Variants in PDE6B observed in about 807,000 individuals in gnomAD.
PDE6B encodes rod cGMP-specific 3',5'-cyclic phosphodiesterase subunit beta.
In PDE6B, 106 loss-of-function variants were observed where a neutral mutation model predicts 109.0. The observed-to-expected ratio is 0.97, with a 90% CI of 0.83 to 1.14. The LOEUF is 1.14. Among genes scored for constraint, PDE6B ranks in the 50% most tolerant of loss-of-function variants. The pLI, the probability that PDE6B is intolerant of heterozygous loss-of-function variation, is 0.00. For synonymous variants in PDE6B, 490 were observed against 471.3 expected (o/e 1.04, Z -0.51); for missense variants, 1,193 against 1,155.6 (o/e 1.03, Z -0.47).
chr4:632,629 T>A (rs1208559978), intron 1 of PDE6B, among the ~76,000 whole-genome samples: 2 of 148,908 alleles, frequency 1.3e-5, no homozygotes, highest in Non-Finnish European at 3.0e-5. Flanking sequence ...GCACCATCTC[T>A]GGATCACCTG....
intron 6 of PDE6B, 86 bp from the exon 7 acceptor site, chr4:655,854 T>C (rs1283912355): frequency 1.2e-6 from 1 of 837,348 alleles, no homozygotes; most frequent in East Asian, 2.4e-5. Context: ...CTCTCACCCC[T>C]GCACACAGAC....
Position 656,529 on chromosome 4 carries a change from C to T in PDE6B, c.1107+237C>T, listed in dbSNP as rs190416637. 1.4e-3 allele frequency among the ~76,000 whole-genome samples: 210 copies of T among 150,754 alleles called. 1 individual carries two copies. Among genetic ancestry groups the T allele is most frequent in the African/African-American group, 4.5e-3 (186 of 40,944 alleles). ...TGACCGCGGCCCCCACACACCCCTG[C>T]GAGGCCGTGACCGCGGCCCCCACAC... On this transcript the variant is annotated intron_variant, in intron 8 of 21. Coordinates refer to ENST00000496514, the MANE Select transcript of PDE6B (RefSeq NM_000283.4).
chr4:630,068 G>A (rs1274779030), intron 1 of PDE6B, among the ~76,000 whole-genome samples: 1 of 152,158 alleles, frequency 6.6e-6, no homozygotes. Context: ...CCCCGGCCAG[G>A]CATCACTACA....
At chr4:641,302 T>G (rs185367778) in intron 3 of PDE6B, among the ~76,000 whole-genome samples, 14 of 152,360 alleles carry the variant, frequency 9.2e-5, no homozygotes, top group Non-Finnish European at 1.0e-4. Context: ...TAAGAGATAT[T>G]GGGTTCTTAA....
rs1736347354 is a variant in PDE6B at position 657,005 on chromosome 4, G to A, written c.1239G>A (p.Gln413=). Residue 413 remains glutamine (Q), a synonymous_variant, in exon 9 of 22, where the codon CAG becomes CAA. Transcript: ENST00000496514. ...AAGACGGGAAGCCCTTTGACGAACA[G>A]GACGAGGTTCTCATGGAGGTAAGCA... ...NRKDGKPFDE[Q]DEVLMESLTQ... 6.2e-6 allele frequency: 10 copies of A among 1,613,274 alleles called. No individual in the cohort carries two copies. The East Asian group carries it at 2.2e-4, about 36-fold the overall frequency.
chr4:640,456 T>C (rs1203139114), intron 3 of PDE6B, among the ~76,000 whole-genome samples: 4 of 152,006 alleles, frequency 2.6e-5, no homozygotes. Context: ...AGAGAATCAC[T>C]TGAACCTGGG....
At position 636,900 on chromosome 4, in the gene PDE6B, C is replaced by G. The variant is rs1734711945; in HGVS notation, c.711+931C>G. ...CCAGTGGACACCTGTGAGAAAACCC[C>G]CCGGAGGGAAGTCTCAGCCCCAATC... On this transcript the variant is annotated intron_variant, in intron 3 of 21. Transcript: ENST00000496514. The surrounding 1 kb of genome is among the most constrained non-coding windows in gnomAD (Gnocchi z 4.5). 6.6e-6 allele frequency among the ~76,000 whole-genome samples: 1 copy of G among 152,236 alleles called. No individual in the cohort carries two copies. The highest frequency in any genetic ancestry group is 1.5e-5 in the Non-Finnish European group (1 of 68,050).
chr4:665,016 C>G lies in PDE6B; in HGVS notation c.2193+72C>G. The G allele has an allele frequency of 8.1e-7, 1 of 1,234,370 alleles. No individual in the cohort carries two copies. The highest frequency in any genetic ancestry group is 1.2e-6 in the Non-Finnish European group (1 of 836,392). The allele number at this position is 1,234,370 out of a possible 1,614,324, so 76.5% of individuals were successfully genotyped here. A position where few individuals can be genotyped will look rare whatever the true frequency, so the allele number is the denominator to read the frequency against. ...CATGGGACTGCCGGGCGGGCGGGAG[C>G]CTCGGATGGCAACGGACCATTGTTT... is the stretch of plus-strand genomic sequence containing the variant. On this transcript the variant is annotated intron_variant, in intron 18 of 21. Transcript: ENST00000496514. This position sits in a 1 kb window ranked among gnomAD's most constrained non-coding sequence, Gnocchi z 4.0.
chr4:632,826 T>C (rs2109128998), intron 1 of PDE6B, among the ~76,000 whole-genome samples: 1 of 152,268 alleles, frequency 6.6e-6, no homozygotes, highest in Admixed American at 6.5e-5. Context: ...TGGATCTGTG[T>C]GGTGCCGTCT....
Position 664,152 on chromosome 4 carries a change from A to G in PDE6B, c.2060A>G (p.Lys687Arg). Residue 687 changes from lysine (K) to arginine (R), a missense_variant, in exon 17 of 22, where the codon AAG becomes AGG. Physicochemically the swap from Lys to Arg is conservative, Grantham distance 26. Coordinates refer to ENST00000496514, the MANE Select transcript of PDE6B (RefSeq NM_000283.4). ...TTTCAGAAGATCGTGGATGAGTCCA[A>G]GAACTACCAGGACAAGAAGAGCTGG... ...AMFQKIVDES[K>R]NYQDKKSWVE... 1.9e-6 allele frequency: 3 copies of G among 1,612,202 alleles called. No individual in the cohort carries two copies. Among genetic ancestry groups the G allele is most frequent in the Non-Finnish European group, 2.5e-6 (3 of 1,178,464 alleles).
At chr4:650,975 T>C (rs769084878) in intron 3 of PDE6B, among the ~76,000 whole-genome samples, 38 of 152,148 alleles carry the variant, frequency 2.5e-4, no homozygotes, top group Non-Finnish European at 5.0e-4. Context: ...GCTGCTGGGC[T>C]GGGACCACCT....
chr4:655,751 C>T (rs535921693), intron 6 of PDE6B, 189 bp from the exon 7 acceptor site: 51 of 659,150 alleles, frequency 7.7e-5, no homozygotes, highest in Middle Eastern at 7.8e-4. Flanking sequence ...CTACATCCAG[C>T]GCAGCCTGGC....
intron 11 of PDE6B, among the ~76,000 whole-genome samples, chr4:659,829 T>C (rs373713845): frequency 1.3e-5 from 2 of 152,140 alleles, no homozygotes; most frequent in African/African-American, 4.8e-5. Context: ...CTAGAGACGA[T>C]TGCTGGATCA....
Position 662,159 on chromosome 4 carries a change from T to G in PDE6B, c.1640T>G (p.Ile547Ser), listed in dbSNP as rs1219607825. 6.4e-7 allele frequency: 1 copy of G among 1,573,180 alleles called. No individual in the cohort carries two copies. Among genetic ancestry groups the G allele is most frequent in the South Asian group, 1.2e-5 (1 of 86,152 alleles). Residue 547 changes from isoleucine to serine, a missense_variant, in exon 13 of 22, where the codon ATC becomes AGC. By Grantham distance (142) the Ile-to-Ser change is moderately radical. Transcript: ENST00000496514. The surrounding 1 kb of genome is among the most constrained non-coding windows in gnomAD (Gnocchi z 4.3). Reference sequence around the variant, plus strand: ...GTCCTGGTGCGGTTCCTGTTCTCCATCAGCAAAGGGTACCGGAGAATCACC... The same window carrying G: ...GTCCTGGTGCGGTTCCTGTTCTCCAGCAGCAAAGGGTACCGGAGAATCACC... ...QEVLVRFLFS[I>S]SKGYRRITYH...
At chr4:643,172 G>T (rs1019689287) in intron 3 of PDE6B, among the ~76,000 whole-genome samples, 2 of 152,066 alleles carry the variant, frequency 1.3e-5, no homozygotes, top group African/African-American at 2.4e-5. Context: ...GCTGGGTATG[G>T]TGGCAGACAT....
chr4:629,347 T>C (rs1377159947), intron 1 of PDE6B, among the ~76,000 whole-genome samples: 2 of 152,210 alleles, frequency 1.3e-5, no homozygotes, highest in Non-Finnish European at 2.9e-5. Context: ...CGAGGGCAGC[T>C]GGGATGGACG....
intron 3 of PDE6B, among the ~76,000 whole-genome samples, chr4:640,306 C>T (rs535086213): frequency 2.8e-4 from 43 of 152,194 alleles, no homozygotes; most frequent in Non-Finnish European, 5.3e-4. Flanking sequence ...GAGGCCAAGG[C>T]AGGCCAATCA....
chr4:660,330 G>A (rs1357781422), intron 11 of PDE6B, 137 bp from the exon 12 acceptor site: 3 of 868,214 alleles, frequency 3.5e-6, no homozygotes, highest in Non-Finnish European at 3.8e-6. Flanking sequence ...ACAGGCTGGA[G>A]CGCCAGGAAT....
chr4:640,419 A>G (rs1037913570), intron 3 of PDE6B, among the ~76,000 whole-genome samples: 1 of 151,938 alleles, frequency 6.6e-6, no homozygotes, highest in African/African-American at 2.4e-5. Flanking sequence ...GGCACCTGTA[A>G]TCCCAGTTAC....
Sources: gnomAD v4.1 joint callset for allele counts (sites outside exome capture counted in the v4.1 genomes callset) on GRCh38, gnomAD v4.1.1 for gene constraint, Gnocchi (gnomAD v3.1) non-coding constraint, MANE v1.5 for transcripts, NCBI Gene and HGNC (gene_info 2026-07-23, HGNC 2026-07-21) for gene names.